The following PARG variants were observed in gnomAD, a reference collection of about 807,000 sequenced individuals.
PARG encodes poly(ADP-ribose) glycohydrolase, also known as mitochondrial poly(ADP-ribose) glycohydrolase.
A neutral mutation model predicts 113.0 loss-of-function variants in PARG; 35 were observed. The observed-to-expected ratio is 0.31, with a 90% CI of 0.24 to 0.41. The LOEUF (loss-of-function observed/expected upper bound fraction) is 0.41. PARG is among the 10% of genes least tolerant of loss of function. The pLI, the probability that PARG is intolerant of heterozygous loss-of-function variation, is 1.00. For synonymous variants in PARG, 330 were observed against 409.9 expected, an observed-to-expected ratio of 0.81 and a Z score of 2.36; for missense variants, 797 against 1,169.4, an observed-to-expected ratio of 0.68 and a Z score of 4.64.
rs1189146308 is a variant in PARG at position 49,841,994 on chromosome 10, G to A, written c.2497C>T (p.Leu833Phe). ...AIDALHFRRYLDQFVPEKMRR... is the reference protein window; with the variant it reads ...AIDALHFRRYFDQFVPEKMRR... ...ATTTTCTCAGGCACAAACTGATCGA[G>A]GTAGCGTCTGAAGTGAAGAGCATCG... The change falls in exon 15 of 18, where the codon CTC (leucine) becomes TTC (phenylalanine). Residue 833 changes from leucine (L) to phenylalanine (F), a missense_variant. Around this residue, in one of 5 missense-constraint regions of PARG, gnomAD observed 194 missense variants for 247.1 expected, o/e 0.79. Coordinates refer to ENST00000616448, the MANE Select transcript of PARG (RefSeq NM_003631.5). 6.5e-7 allele frequency: 1 copy of A among 1,549,960 alleles called. No homozygotes were observed.
chr10:49,916,018 C>T (rs557817652), intron 6 of PARG, 27 bp from the exon 7 acceptor site: 28 of 1,299,580 alleles, frequency 2.2e-5, no homozygotes, highest in African/African-American at 2.9e-5. Flanking sequence ...AACAAAAAAA[C>T]GTCATGGTAT....
rs772766026 is a variant in PARG, at chr10:49,819,373, G to A, written c.2898C>T (p.Thr966=). 2.9e-5 allele frequency: 45 copies of A among 1,551,354 alleles called. No individual in the cohort carries two copies. Among genetic ancestry groups the A allele is most frequent in the Admixed American group, 2.0e-5 (1 of 50,970 alleles). Reference sequence around the variant, plus strand: ...CTGTCCTTTGCCCTGAATGGTCAGCGGTCTCTGCACAGGACTCGACAGCAT... The same window carrying A: ...CTGTCCTTTGCCCTGAATGGTCAGCAGTCTCTGCACAGGACTCGACAGCAT... ...IYHAVESCAE[T]ADHSGQRTGT Residue 966 remains threonine, a synonymous_variant, in exon 18 of 18, where the codon ACC becomes ACT. Transcript: ENST00000616448.
At chr10:49,885,441 G>C in intron 7 of PARG, 146 bp from the exon 8 acceptor site, 1 of 618,674 alleles carries the variant, frequency 1.6e-6, no homozygotes, top group East Asian at 2.8e-5. Flanking sequence ...CCAAACACAT[G>C]TACAAATGCA....
rs1554910361 is a variant in PARG at position 49,933,381 on chromosome 10, C to T, written c.1067G>A (p.Arg356Gln). 6.8e-6 allele frequency: 11 copies of T among 1,613,278 alleles called. No homozygotes were observed. The highest frequency in any genetic ancestry group is 1.3e-5 in the African/African-American group (1 of 74,908). The stretch of plus-strand genomic sequence containing the variant: ...AACTTCACCGCCCTTAGTAGAGTAC[C>T]GTTTCCTAAATTCAATGTCAGCGTC... ...ARDADIEFRKRYSTKGGEVRL... is the reference protein window; with the variant it reads ...ARDADIEFRKQYSTKGGEVRL... Residue 356 changes from arginine (R) to glutamine (Q), a missense_variant, in exon 3 of 18, where the codon CGG (arginine) becomes CAG (glutamine). Physicochemically the swap from Arg to Gln is conservative, Grantham distance 43. Transcript: ENST00000616448.
intron 1 of PARG, 67 bp downstream of exon 1, chr10:49,941,442 G>C (rs1839061124): frequency 4.2e-6 from 5 of 1,177,598 alleles, no homozygotes; most frequent in Non-Finnish European, 6.2e-6. Flanking sequence ...GAGCCCCTGG[G>C]TCCTCAGACT....
Position 49,932,113 on chromosome 10 carries a change from G to A in PARG, c.1442C>T (p.Thr481Ile). 3 of 1,593,084 alleles carry A rather than the reference G, an allele frequency of 1.9e-6. No homozygotes were observed. Among genetic ancestry groups the A allele is most frequent in the Non-Finnish European group, 2.6e-6 (3 of 1,160,896 alleles). Residue 481 changes from threonine to isoleucine, a missense_variant, in exon 4 of 18, where the codon ACA (threonine) becomes ATA (isoleucine). Thr to Ile is a moderately conservative substitution (Grantham distance 89). Coordinates refer to ENST00000616448, the MANE Select transcript of PARG (RefSeq NM_003631.5). ...LPLLRPSANH[T>I]VTIRVDLLRA... ...GGTGCTACCTACCCGAATAGTTACT[G>A]TGTGATTGGCAGATGGTCTCAAGAG...
At position 49,893,842 on chromosome 10, in the gene PARG, C is replaced by G. The variant is rs533566203; in HGVS notation, c.1738-8547G>C. On this transcript the variant is annotated intron_variant, in intron 7 of 17. Coordinates refer to ENST00000616448, the MANE Select transcript of PARG (RefSeq NM_003631.5). ...CCGAGCAGCTGTGACTACAGGCACC[C>G]GCCACCACGCCCAGCTAATGTTTTT... Among the ~76,000 whole-genome samples, 5 of 151,794 alleles carry G rather than the reference C, an allele frequency of 3.3e-5. No homozygotes were observed. In the South Asian group the frequency reaches 8.4e-4, roughly 25 times the overall value.
At chr10:49,926,022 G>A (rs2664674) in intron 4 of PARG, among the ~76,000 whole-genome samples, 14 of 152,202 alleles carry the variant, frequency 9.2e-5, no homozygotes, top group South Asian at 2.1e-4. Flanking sequence ...AACTAATTCC[G>A]GTTAGCTAAA....
chr10:49,820,036 T>C (rs550829490), intron 17 of PARG, 129 bp downstream of exon 17: 32 of 651,814 alleles, frequency 4.9e-5, no homozygotes, highest in Admixed American at 8.8e-5. Flanking sequence ...TGAGGGTTTG[T>C]CCTTCCTGCT....
At chr10:49,826,508 T>C (rs1844366778) in intron 16 of PARG, among the ~76,000 whole-genome samples, 1 of 152,228 alleles carries the variant, frequency 6.6e-6, no homozygotes, top group African/African-American at 2.4e-5. Context: ...AAATGGTCTT[T>C]CTGGAGTTTA....
chr10:49,900,218 A>T (rs1554843579), intron 7 of PARG, among the ~76,000 whole-genome samples: 1 of 151,726 alleles, frequency 6.6e-6, no homozygotes, highest in East Asian at 2.0e-4. Context: ...TCCTCCTGCC[A>T]ATTCTCACCA....
intron 11 of PARG, among the ~76,000 whole-genome samples, chr10:49,863,145 T>C (rs1231597498): frequency 6.7e-6 from 1 of 148,606 alleles, no homozygotes; most frequent in East Asian, 2.0e-4. Flanking sequence ...CGTAGATGAT[T>C]CTGGCTCTCT....
intron 15 of PARG, among the ~76,000 whole-genome samples, chr10:49,833,761 C>A (rs1232816448): frequency 6.6e-6 from 1 of 152,108 alleles, no homozygotes; most frequent in Non-Finnish European, 1.5e-5. Flanking sequence ...CTGTAACAGG[C>A]TTAATACAGC....
At chr10:49,904,050 C>G (rs539385698) in intron 7 of PARG, among the ~76,000 whole-genome samples, 2 of 151,276 alleles carry the variant, frequency 1.3e-5, no homozygotes, top group African/African-American at 4.9e-5. Flanking sequence ...GAAATAGAGC[C>G]GAAACTCAAG....
chr10:49,853,122 C>T (rs1458212106), intron 13 of PARG, among the ~76,000 whole-genome samples: 1 of 149,934 alleles, frequency 6.7e-6, no homozygotes, highest in Non-Finnish European at 1.5e-5. Flanking sequence ...CAAGCTCCGC[C>T]TCCTGGGTTC....
chr10:49,886,529 CAG>C, intron 7 of PARG, among the ~76,000 whole-genome samples: 1 of 152,160 alleles, frequency 6.6e-6, no homozygotes, highest in African/African-American at 2.4e-5. Context: ...ATTTGTAATT[CAG>C]AGAGTTGGAA....
rs187834149 is a variant in PARG, at chr10:49,826,646, C to T, written c.2647+6157G>A. 2.0e-5 allele frequency among the ~76,000 whole-genome samples: 3 copies of T among 152,272 alleles called. No individual in the cohort carries two copies. The East Asian group carries it at 5.8e-4, about 29-fold the overall frequency. On this transcript the variant is annotated intron_variant, in intron 16 of 17. Coordinates refer to ENST00000616448, the MANE Select transcript of PARG (RefSeq NM_003631.5). ...TCTCAGAAACATTTCACTTAATATA[C>T]ATATGTCATGGAAATAAATTAGAAA...
intron 7 of PARG, among the ~76,000 whole-genome samples, chr10:49,891,611 A>ATT (rs1847793356): frequency 2.0e-5 from 1 of 49,678 alleles, no homozygotes; most frequent in African/African-American, 1.3e-4. Flanking sequence ...ATATATATAT[A>ATT]TATATATATA....
At chr10:49,923,119 G>C (rs1192512583) in intron 4 of PARG, among the ~76,000 whole-genome samples, 2 of 151,966 alleles carry the variant, frequency 1.3e-5, no homozygotes, top group Non-Finnish European at 2.9e-5. Context: ...CTTAAACATA[G>C]CAAATTCATT....
Sources: gnomAD v4.1 joint callset for allele counts (sites outside exome capture counted in the v4.1 genomes callset) on GRCh38, gnomAD v4.1.1 for gene constraint, gnomAD v4.1.1 regional missense constraint, MANE v1.5 for transcripts, NCBI Gene and HGNC (gene_info 2026-07-23, HGNC 2026-07-21) for gene names.